The following SKI variants were observed in gnomAD, a reference collection of about 807,000 sequenced individuals.
SKI encodes the protein SKI proto-oncogene.
SKI carries 23 observed loss-of-function variants against 59.3 expected under a neutral mutation model. The ratio of observed to expected loss-of-function variants is 0.39; its 90% CI spans 0.28 to 0.55. The LOEUF (loss-of-function observed/expected upper bound fraction) is 0.55. Ranked by LOEUF, SKI falls within the 20% of genes least tolerant of loss-of-function variation. The pLI is 0.67. For synonymous variants in SKI, 673 were observed against 488.6 expected, an observed-to-expected ratio of 1.38 and a Z score of -4.98; for missense variants, 1,017 against 1,038.9, an observed-to-expected ratio of 0.98 and a Z score of 0.29.
chr1:2,238,185 A>G (rs1260479365), intron 1 of SKI, among the ~76,000 whole-genome samples: 1 of 152,140 alleles, frequency 6.6e-6, no homozygotes, highest in Non-Finnish European at 1.5e-5. Context: ...TGCTCAGAGA[A>G]CCCGAGCCTT....
At chr1:2,279,624 A>AG (rs1172653326) in intron 1 of SKI, among the ~76,000 whole-genome samples, 5 of 150,046 alleles carry the variant, frequency 3.3e-5, no homozygotes, top group Admixed American at 2.0e-4. Flanking sequence ...GGAGGGCTGA[A>AG]GGGGGGAGTC....
chr1:2,244,708 AT>A (rs1173446895), intron 1 of SKI, among the ~76,000 whole-genome samples: 3 of 152,098 alleles, frequency 2.0e-5, no homozygotes, highest in Non-Finnish European at 4.4e-5. Flanking sequence ...TTATTTCAGT[AT>A]TTTTTTCTGT....
rs1008760031 is a variant in SKI at position 2,251,658 on chromosome 1, C to T, written c.969+21923C>T. 9.9e-5 allele frequency among the ~76,000 whole-genome samples: 15 copies of T among 152,272 alleles called. No individual in the cohort carries two copies. The East Asian group carries it at 1.9e-3, about 20-fold the overall frequency. On this transcript the variant is annotated intron_variant, in intron 1 of 6. Coordinates refer to ENST00000378536, the MANE Select transcript of SKI (RefSeq NM_003036.4). The stretch of plus-strand genomic sequence containing the variant: ...GGGCAGCATCTGGGGGGGCTGGCGC[C>T]GGGCAGTGGGAGACCTGCTCCATGT...
chr1:2,253,436 A>G (rs946177855), intron 1 of SKI, among the ~76,000 whole-genome samples: 4 of 152,192 alleles, frequency 2.6e-5, no homozygotes, highest in African/African-American at 9.6e-5. Flanking sequence ...TTGGTTTACA[A>G]CCCAGGGAGA....
chr1:2,306,835 C>G lies in SKI; in HGVS notation c.*70C>G. 9.6e-7 allele frequency: 1 copy of G among 1,043,090 alleles called. No homozygotes were observed. Among genetic ancestry groups the G allele is most frequent in the Non-Finnish European group, 1.3e-6 (1 of 799,842 alleles). The allele number at this position is 1,043,090 out of a possible 1,614,324, so 64.6% of individuals were successfully genotyped here. A position where few individuals can be genotyped will look rare whatever the true frequency, so the allele number is the denominator to read the frequency against. ...GGGGGCGCGGCTGGGCGGTGCAGCTCCGCCCGGCTCCGCCCCTGCAGCCCA... is the reference window on the plus strand; with the variant it reads ...GGGGGCGCGGCTGGGCGGTGCAGCTGCGCCCGGCTCCGCCCCTGCAGCCCA... On this transcript the variant is annotated 3_prime_UTR_variant, in exon 7 of 7. Transcript: ENST00000378536.
intron 1 of SKI, among the ~76,000 whole-genome samples, chr1:2,294,365 C>CTGTG (rs1640236282): frequency 6.6e-6 from 1 of 152,250 alleles, no homozygotes; most frequent in African/African-American, 2.4e-5. Flanking sequence ...ATCAGGCTGG[C>CTGTG]TGTGTGTGGC....
Position 2,306,798 on chromosome 1 carries a change from A to ACAT in SKI, c.*34_*35insATC. ...GCCTGCCGCCGCAGCGCCGCCGACA[A>ACAT]CGCGGGTGCAGGGGGGCGCGGCTGG... On this transcript the variant is annotated 3_prime_UTR_variant, in exon 7 of 7. Transcript: ENST00000378536. 2.1e-6 allele frequency: 3 copies of ACAT among 1,452,770 alleles called. No homozygotes were observed. In the South Asian group the frequency reaches 3.9e-5, roughly 19 times the overall value. 90.0% of individuals were successfully genotyped at this position (1,452,770 alleles called of 1,614,324 possible).
Position 2,267,842 on chromosome 1 carries a change from C to T in SKI, c.970-35136C>T, listed in dbSNP as rs1227496815. 3.3e-5 allele frequency among the ~76,000 whole-genome samples: 5 copies of T among 152,322 alleles called. No homozygotes were observed. In the South Asian group the frequency reaches 6.2e-4, roughly 19 times the overall value. ...GAGCAGGAACACCTTGCATGCCCTG[C>T]GAGATGTGTTTGAAAGTCACACTTT... On this transcript the variant is annotated intron_variant, in intron 1 of 6. Transcript: ENST00000378536. The surrounding 1 kb of genome is among the most constrained non-coding windows in gnomAD (Gnocchi z 4.1).
At chr1:2,231,522 C>T (rs992637894) in intron 1 of SKI, among the ~76,000 whole-genome samples, 33 of 152,314 alleles carry the variant, frequency 2.2e-4, no homozygotes, top group Admixed American at 1.5e-3. Flanking sequence ...TTGTGAGCGC[C>T]GGGGTCCTTG....
At chr1:2,234,699 T>G (rs566402830) in intron 1 of SKI, among the ~76,000 whole-genome samples, 1 of 152,334 alleles carries the variant, frequency 6.6e-6, no homozygotes, top group African/African-American at 2.4e-5. Context: ...CAATAATGTG[T>G]CTCTTTCTAA....
intron 1 of SKI, among the ~76,000 whole-genome samples, chr1:2,289,121 C>T (rs1361810853): frequency 6.6e-6 from 1 of 152,174 alleles, no homozygotes; most frequent in Admixed American, 6.5e-5. Context: ...GCCCTCAGGA[C>T]CCAGCTGCCC....
At chr1:2,294,879 T>C (rs2100901810) in intron 1 of SKI, among the ~76,000 whole-genome samples, 1 of 152,226 alleles carries the variant, frequency 6.6e-6, no homozygotes, top group Non-Finnish European at 1.5e-5. Flanking sequence ...ATTACTGCCA[T>C]CCCCTGTGCC....
rs567771239 is a variant in SKI, at chr1:2,307,041, A to G, written c.*276A>G. 1 of 262,990 alleles carries G rather than the reference A, an allele frequency of 3.8e-6. No individual in the cohort carries two copies. The highest frequency in any genetic ancestry group is 2.3e-5 in the African/African-American group (1 of 43,892). The allele number at this position is 262,990 out of a possible 1,614,324, so 16.3% of individuals were successfully genotyped here. Reference sequence around the variant, plus strand: ...GTCCTCTGCTTGCTGGAACATTCTAACATTTACACTTTTGTTATAAGCTAT... The same window carrying G: ...GTCCTCTGCTTGCTGGAACATTCTAGCATTTACACTTTTGTTATAAGCTAT... On this transcript the variant is annotated 3_prime_UTR_variant, in exon 7 of 7. Transcript: ENST00000378536.
rs775713153 is a variant in SKI, at chr1:2,229,172, C to T, written c.406C>T (p.Leu136=). 4.3e-6 allele frequency: 7 copies of T among 1,611,840 alleles called. No homozygotes were observed. In the South Asian group the frequency reaches 4.4e-5, roughly 10 times the overall value. ...CAACTCGGTGCTGCGCGACTTCTCG[C>T]TGCAGCAGATCAACGCGGTGTGCGA... is the stretch of plus-strand genomic sequence containing the variant. ...ILNSVLRDFS[L]QQINAVCDEL... is the part of the protein sequence containing the mutation. The change falls in exon 1 of 7, where the codon CTG becomes TTG. Residue 136 remains leucine (L), a synonymous_variant. Transcript: ENST00000378536. The surrounding 1 kb of genome is among the most constrained non-coding windows in gnomAD (Gnocchi z 6.3).
chr1:2,284,897 G>C (rs966170653), intron 1 of SKI, among the ~76,000 whole-genome samples: 1 of 152,248 alleles, frequency 6.6e-6, no homozygotes, highest in Non-Finnish European at 1.5e-5. Flanking sequence ...TGTGGAGGTG[G>C]TTTTGGTGCC....
intron 1 of SKI, among the ~76,000 whole-genome samples, chr1:2,264,211 G>A (rs562970073): frequency 2.0e-5 from 3 of 152,230 alleles, no homozygotes; most frequent in South Asian, 2.1e-4. Flanking sequence ...AGGTATTTGC[G>A]TAGGTATAGA....
chr1:2,296,216 GAAAAAAAACAAAAA>G (rs1353596665), intron 1 of SKI, among the ~76,000 whole-genome samples: 3 of 136,648 alleles, frequency 2.2e-5, no homozygotes, highest in South Asian at 2.3e-4. Context: ...TTGTCTCTAG[GAAAAAAAACAAAAA>G]AAAAAAAACA....
intron 1 of SKI, among the ~76,000 whole-genome samples, chr1:2,272,293 TAAAA>T (rs1639641591): frequency 6.6e-6 from 1 of 152,214 alleles, no homozygotes; most frequent in Non-Finnish European, 1.5e-5. Flanking sequence ...AAAATGGTGT[TAAAA>T]ATTAAGCAAA....
chr1:2,238,514 A>G (rs1638798868), intron 1 of SKI, among the ~76,000 whole-genome samples: 1 of 152,198 alleles, frequency 6.6e-6, no homozygotes, highest in Admixed American at 6.5e-5. Context: ...GGGCACTCCC[A>G]GCCTTGAGAC....
Sources: allele counts gnomAD v4.1 joint callset (sites outside exome capture counted in the v4.1 genomes callset), GRCh38; gene constraint gnomAD v4.1.1; non-coding constraint Gnocchi (gnomAD v3.1); transcripts MANE v1.5; gene names NCBI Gene and HGNC (gene_info 2026-07-23, HGNC 2026-07-21).